The following PFKP variants were observed in gnomAD, a reference collection of about 807,000 sequenced individuals.
PFKP encodes phosphofructokinase, platelet.
In PFKP, 101 loss-of-function variants were observed where a neutral mutation model predicts 94.3. The observed-to-expected ratio is 1.07, with a 90% CI of 0.91 to 1.26. PFKP has a LOEUF of 1.26. Among genes scored for constraint, PFKP ranks in the 50% most tolerant of loss-of-function variants. PFKP has a pLI of 0.00. For synonymous variants in PFKP, 573 were observed against 432.6 expected, an observed-to-expected ratio of 1.32 and a Z score of -4.03; for missense variants, 1,145 against 1,103.3, an observed-to-expected ratio of 1.04 and a Z score of -0.53.
At chr10:3,083,516 A>G (rs372188333) in intron 2 of PFKP, among the ~76,000 whole-genome samples, 98 of 152,272 alleles carry the variant, frequency 6.4e-4, no homozygotes, top group Admixed American at 4.2e-3. Context: ...TGACGTATGT[A>G]AAACACCGGA....
rs747365523 is a variant in PFKP at position 3,132,373 on chromosome 10, C to T, written c.1849-7C>T. On this transcript the variant is annotated splice_region_variant and splice_polypyrimidine_tract_variant and intron_variant, in intron 17 of 21. Coordinates refer to ENST00000381125, the MANE Select transcript of PFKP (RefSeq NM_002627.5). ...TATTGTCTGATTAACAAAATACTCTCTTCCAGTCCAACGTGGAGCACCTGA... is the reference window on the plus strand; with the variant it reads ...TATTGTCTGATTAACAAAATACTCTTTTCCAGTCCAACGTGGAGCACCTGA... The T allele has an allele frequency of 3.1e-5, 50 of 1,602,594 alleles. No homozygotes were observed. Among genetic ancestry groups the T allele is most frequent in the Non-Finnish European group, 4.0e-5 (47 of 1,169,638 alleles).
At position 3,101,531 on chromosome 10, in the gene PFKP, TGC is replaced by T; in HGVS notation, c.432_433del (p.Leu145GlyfsTer11). 2 of 1,560,570 alleles carry T rather than the reference TGC, an allele frequency of 1.3e-6. No homozygotes were observed. The highest frequency in any genetic ancestry group is 1.7e-6 in the Non-Finnish European group (2 of 1,152,444). Reference sequence around the variant, plus strand: ...CTCTTCCGGAAGGAGTGGAGTGGGCTGCTGGAGGAGCTGGCCAGGAACGGTGA... The same window carrying T: ...CTCTTCCGGAAGGAGTGGAGTGGGCTTGGAGGAGCTGGCCAGGAACGGTGA... On this transcript the variant is annotated frameshift_variant, in exon 4 of 22. Transcript: ENST00000381125. LOFTEE classifies it high-confidence loss of function.
intron 17 of PFKP, among the ~76,000 whole-genome samples, chr10:3,130,641 C>A (rs1235346731): frequency 6.6e-6 from 1 of 152,166 alleles, no homozygotes; most frequent in East Asian, 1.9e-4. Flanking sequence ...CTTACTGCAA[C>A]CTCCAACTCC....
chr10:3,107,785 A>C (rs1450868129), intron 8 of PFKP: 1 of 1,199,102 alleles, frequency 8.3e-7, no homozygotes, highest in Non-Finnish European at 1.1e-6. Flanking sequence ...CTGCCTGGGA[A>C]CAGGCTTTGG....
chr10:3,114,445 C>T (rs1184775552), intron 13 of PFKP, among the ~76,000 whole-genome samples: 1 of 152,226 alleles, frequency 6.6e-6, no homozygotes, highest in African/African-American at 2.4e-5. Flanking sequence ...CCACCGTGCC[C>T]AGCCTCCTAC....
At chr10:3,103,716 T>C in intron 4 of PFKP, 63 bp from the exon 5 acceptor site, 2 of 1,577,936 alleles carry the variant, frequency 1.3e-6, no homozygotes, top group East Asian at 2.2e-5. Flanking sequence ...TCACCCCTAG[T>C]GGGGCACCCC....
intron 16 of PFKP, chr10:3,125,349 C>G: frequency 2.2e-6 from 2 of 911,800 alleles, no homozygotes; most frequent in Middle Eastern, 2.8e-4. Context: ...TTCTTCTTTT[C>G]TCCCCTTTGT....
chr10:3,124,700 C>T (rs1259735352), intron 16 of PFKP, among the ~76,000 whole-genome samples: 3 of 152,216 alleles, frequency 2.0e-5, no homozygotes, highest in African/African-American at 7.2e-5. Flanking sequence ...TGCCTGCCTG[C>T]AGAAAGCTAC....
chr10:3,072,718 G>A (rs1832291440), intron 1 of PFKP, among the ~76,000 whole-genome samples: 1 of 151,946 alleles, frequency 6.6e-6, no homozygotes, highest in African/African-American at 2.4e-5. Context: ...TTTTGATACA[G>A]GACTCCAACC....
At chr10:3,113,583 CG>C (rs546908741) in intron 13 of PFKP, 65 bp downstream of exon 13, 127 of 1,463,578 alleles carry the variant, frequency 8.7e-5, no homozygotes, top group Middle Eastern at 2.4e-4. Context: ...GACGTGGCGG[CG>C]GGGGGGTGCC....
chr10:3,100,055 T>G (rs573875012), intron 3 of PFKP, among the ~76,000 whole-genome samples: 82 of 121,012 alleles, frequency 6.8e-4, no homozygotes, highest in Admixed American at 3.9e-3. Context: ...TGTAGGTGTG[T>G]GGTGTGTGTG....
chr10:3,070,655 G>C (rs1832111294), intron 1 of PFKP, among the ~76,000 whole-genome samples: 1 of 152,206 alleles, frequency 6.6e-6, no homozygotes, highest in Non-Finnish European at 1.5e-5. Context: ...AGAAAGAAAA[G>C]TAAGTTAGGT....
At chr10:3,118,727 C>A in intron 14 of PFKP, 55 bp from the exon 15 acceptor site, 1 of 1,336,252 alleles carries the variant, frequency 7.5e-7, no homozygotes, top group Non-Finnish European at 1.1e-6. Context: ...TGGCGTCCTG[C>A]GGACCGCGTG....
At position 3,103,963 on chromosome 10, in the gene PFKP, C is replaced by A. The variant is rs2306293; in HGVS notation, c.620+19C>A. 1 of 1,609,986 alleles carries A rather than the reference C, an allele frequency of 6.2e-7. No individual in the cohort carries two copies. Among genetic ancestry groups the A allele is most frequent in the Middle Eastern group, 1.7e-4 (1 of 6,054 alleles). ...CCCAGAGGTAAAGCGCTCAGAGGAA[C>A]CGGCGGGAGGCCAGTGGGGCCCGAC... On this transcript the variant is annotated intron_variant, in intron 5 of 21. Transcript: ENST00000381125.
At chr10:3,134,862 T>A (rs1477443068) in intron 20 of PFKP, among the ~76,000 whole-genome samples, 1 of 152,256 alleles carries the variant, frequency 6.6e-6, no homozygotes, top group East Asian at 1.9e-4. Flanking sequence ...ATCCTGAACG[T>A]TGGCCAGCAA....
At chr10:3,084,578 G>T (rs1301617187) in intron 2 of PFKP, among the ~76,000 whole-genome samples, 1 of 151,980 alleles carries the variant, frequency 6.6e-6, no homozygotes, top group Non-Finnish European at 1.5e-5. Flanking sequence ...TTTATATTTG[G>T]GTGTTTTTAA....
rs190770421 is a variant in PFKP at position 3,103,643 on chromosome 10, A to T, written c.455-136A>T. 2.2e-4 allele frequency: 192 copies of T among 855,636 alleles called. No individual in the cohort carries two copies. The African/African-American group carries it at 2.6e-3, about 12-fold the overall frequency. 53.0% of individuals were successfully genotyped at this position (855,636 alleles called of 1,614,324 possible). On this transcript the variant is annotated intron_variant, in intron 4 of 21. Coordinates refer to ENST00000381125, the MANE Select transcript of PFKP (RefSeq NM_002627.5). ...CCCTGTCTCAGAAAAATGATAATAA[A>T]GAAATGATACCAATAACAAAGAGTT...
chr10:3,129,652 C>A, intron 16 of PFKP, 167 bp from the exon 17 acceptor site: 1 of 723,680 alleles, frequency 1.4e-6, no homozygotes, highest in Non-Finnish European at 2.3e-6. Context: ...ACACCCACTC[C>A]GAGGGCACAT....
At chr10:3,086,478 A>T (rs1833609784) in intron 2 of PFKP, among the ~76,000 whole-genome samples, 1 of 152,156 alleles carries the variant, frequency 6.6e-6, no homozygotes, top group Non-Finnish European at 1.5e-5. Flanking sequence ...GACGTTTACC[A>T]GTGTTTGGAG....
Sources: allele counts gnomAD v4.1 joint callset (sites outside exome capture counted in the v4.1 genomes callset), GRCh38; gene constraint gnomAD v4.1.1; transcripts MANE v1.5; gene names NCBI Gene and HGNC (gene_info 2026-07-23, HGNC 2026-07-21).